TNKS: variants seen among roughly 807,000 people sequenced by gnomAD.
TNKS encodes the protein poly [ADP-ribose] polymerase tankyrase-1.
A neutral mutation model predicts 135.8 loss-of-function variants in TNKS; 72 were observed. That is an observed-to-expected ratio of 0.53 (90% CI 0.44 to 0.64). The LOEUF (loss-of-function observed/expected upper bound fraction) is 0.64. Among genes scored for constraint, TNKS ranks in the 30% least tolerant of loss-of-function variants. TNKS has a pLI of 0.00. For missense variants in TNKS, 1,769 were observed against 1,674.0 expected, an observed-to-expected ratio of 1.06 and a Z score of -0.99; for synonymous variants, 849 against 649.3, an observed-to-expected ratio of 1.31 and a Z score of -4.68.
intron 5 of TNKS, among the ~76,000 whole-genome samples, chr8:9,701,858 C>G (rs1269211725): frequency 6.6e-6 from 1 of 152,116 alleles, no homozygotes; most frequent in South Asian, 2.1e-4. Context: ...ACAGGGGCCC[C>G]TTACAGTGTT....
At position 9,704,730 on chromosome 8, in the gene TNKS, G is replaced by A; in HGVS notation, c.1175G>A (p.Gly392Asp). ...ATAGTTCAGCTTCTTCTTCAGCATG[G>A]TGCTGATGTTCATGCAAAAGACAAA... ...VRIVQLLLQH[G>D]ADVHAKDKGG... The change falls in exon 6 of 27, where the codon GGT becomes GAT. Residue 392 changes from glycine (G) to aspartate (D), a missense_variant. Physicochemically the swap from Gly to Asp is moderately conservative, Grantham distance 94. This residue lies in a region of TNKS where 523 missense variants were observed against 541.0 expected (regional missense o/e 0.97). Transcript: ENST00000310430. 2 of 1,613,286 alleles carry A rather than the reference G, an allele frequency of 1.2e-6. No individual in the cohort carries two copies. The highest frequency in any genetic ancestry group is 1.7e-6 in the Non-Finnish European group (2 of 1,179,396).
intron 20 of TNKS, among the ~76,000 whole-genome samples, chr8:9,754,811 T>C (rs1035542177): frequency 6.6e-6 from 1 of 152,218 alleles, no homozygotes; most frequent in Non-Finnish European, 1.5e-5. Flanking sequence ...TAGGACTTTA[T>C]AGACTGCTGT....
At position 9,598,705 on chromosome 8, in the gene TNKS, A is replaced by ATGTGTGTG. The variant is rs376761155; in HGVS notation, c.899-16855_899-16848dup. Among the ~76,000 whole-genome samples the ATGTGTGTG allele has an allele frequency of 1.3e-3, 138 of 108,228 alleles. 4 individuals carry two copies. Among genetic ancestry groups the ATGTGTGTG allele is most frequent in the African/African-American group, 4.0e-3 (116 of 29,318 alleles). 71.0% of individuals were successfully genotyped at this position (108,228 alleles called of 152,430 possible). On this transcript the variant is annotated intron_variant, in intron 2 of 26. Transcript: ENST00000310430. Reference sequence around the variant, plus strand: ...CACAGAGCAAGACCTTGTCTAAAATATGTGTGTGTGTGTGTGTGTGTGTGT... The same window carrying ATGTGTGTG: ...CACAGAGCAAGACCTTGTCTAAAATATGTGTGTGTGTGTGTGTGTGTGTGTGTGTGTGT...
rs1426470220 is a variant in TNKS at position 9,777,523 on chromosome 8, C to G, written c.*787C>G. On this transcript the variant is annotated 3_prime_UTR_variant, in exon 27 of 27. Coordinates refer to ENST00000310430, the MANE Select transcript of TNKS (RefSeq NM_003747.3). Reference sequence around the variant, plus strand: ...AGCCGGTGAAGGCCACTTGCTCTTTCCAACACAAGCCTGCCACAGAGGTCT... The same window carrying G: ...AGCCGGTGAAGGCCACTTGCTCTTTGCAACACAAGCCTGCCACAGAGGTCT... The G allele has an allele frequency of 6.6e-6, 1 of 152,224 alleles. No individual in the cohort carries two copies. The highest frequency in any genetic ancestry group is 1.9e-4 in the East Asian group (1 of 5,194). 9.4% of individuals were successfully genotyped at this position (152,224 alleles called of 1,614,324 possible). A position where few individuals can be genotyped will look rare whatever the true frequency, so the allele number is the denominator to read the frequency against.
intron 20 of TNKS, among the ~76,000 whole-genome samples, chr8:9,754,970 C>T (rs944167335): frequency 5.9e-5 from 9 of 152,128 alleles, no homozygotes; most frequent in South Asian, 2.1e-4. Flanking sequence ...TCTGCTGTTC[C>T]CATATTACAG....
chr8:9,573,338 G>A (rs1310433257), intron 1 of TNKS, among the ~76,000 whole-genome samples: 1 of 152,186 alleles, frequency 6.6e-6, no homozygotes, highest in Non-Finnish European at 1.5e-5. Context: ...AGGAAGTGAT[G>A]TACAGAAGAC....
At position 9,643,447 on chromosome 8, in the gene TNKS, G is replaced by A. The variant is rs1011261297; in HGVS notation, c.994+27770G>A. On this transcript the variant is annotated intron_variant, in intron 3 of 26. Coordinates refer to ENST00000310430, the MANE Select transcript of TNKS (RefSeq NM_003747.3). ...TAACTAAATGGCTTCTGCGATAATA[G>A]CATTAATCCATTCATGAGGGTGGAG... Among the ~76,000 whole-genome samples, 2 of 151,014 alleles carry A rather than the reference G, an allele frequency of 1.3e-5. 1 individual carries two copies. Among genetic ancestry groups the A allele is most frequent in the Admixed American group, 1.3e-4 (2 of 14,990 alleles).
rs118149277 is a variant in TNKS, at chr8:9,688,936, C to T, written c.1107+8136C>T. Among the ~76,000 whole-genome samples the T allele has an allele frequency of 7.7e-3, 1,167 of 150,886 alleles. 8 individuals are homozygous for T. Among genetic ancestry groups the T allele is most frequent in the Non-Finnish European group, 0.012 (797 of 67,734 alleles). On this transcript the variant is annotated intron_variant, in intron 5 of 26. Coordinates refer to ENST00000310430, the MANE Select transcript of TNKS (RefSeq NM_003747.3). ...GATTACAGGCGTGAGCCACTGTTCCCGGCCCAGCAAGTTTTTTCATGTCTG... is the reference window on the plus strand; with the variant it reads ...GATTACAGGCGTGAGCCACTGTTCCTGGCCCAGCAAGTTTTTTCATGTCTG...
At chr8:9,663,959 C>G (rs911157643) in intron 3 of TNKS, among the ~76,000 whole-genome samples, 6 of 152,124 alleles carry the variant, frequency 3.9e-5, no homozygotes, top group African/African-American at 1.4e-4. Context: ...CATTCCCTCC[C>G]TGGAGATCAG....
chr8:9,696,595 A>G (rs1160386667), intron 5 of TNKS, among the ~76,000 whole-genome samples: 1 of 152,214 alleles, frequency 6.6e-6, no homozygotes, highest in Non-Finnish European at 1.5e-5. Flanking sequence ...AAACGATTTT[A>G]GCAAGGTTTC....
chr8:9,562,874 G>C (rs988938535), intron 1 of TNKS, among the ~76,000 whole-genome samples: 6 of 150,790 alleles, frequency 4.0e-5, no homozygotes, highest in African/African-American at 1.2e-4. Flanking sequence ...TTAAAGACCA[G>C]ATATTCTATT....
intron 3 of TNKS, among the ~76,000 whole-genome samples, chr8:9,639,715 T>C (rs1360212314): frequency 6.6e-6 from 1 of 152,140 alleles, no homozygotes; most frequent in African/African-American, 2.4e-5. Flanking sequence ...CTGTGATGAG[T>C]TCTTGTTATC....
chr8:9,598,123 T>A (rs1313129734), intron 2 of TNKS, among the ~76,000 whole-genome samples: 1 of 152,142 alleles, frequency 6.6e-6, no homozygotes, highest in Admixed American at 6.5e-5. Context: ...ATATTTATGA[T>A]ATACTTTCTC....
chr8:9,598,467 A>T (rs375679751), intron 2 of TNKS, among the ~76,000 whole-genome samples: 137 of 151,934 alleles, frequency 9.0e-4, no homozygotes, highest in Non-Finnish European at 1.6e-3. Context: ...GTAAGTTTAA[A>T]CCTTGTAACT....
intron 3 of TNKS, among the ~76,000 whole-genome samples, chr8:9,660,766 G>A (rs1266478702): frequency 6.6e-6 from 1 of 152,122 alleles, no homozygotes; most frequent in East Asian, 1.9e-4. Flanking sequence ...GAAATAAAGG[G>A]CATTCAGTTA....
chr8:9,750,780 A>T (rs752767568), intron 18 of TNKS, among the ~76,000 whole-genome samples: 63 of 152,204 alleles, frequency 4.1e-4, no homozygotes, highest in Non-Finnish European at 8.4e-4. Context: ...CTGGGAGTTG[A>T]CTGGGCTCAG....
In TNKS at chr8:9,777,534, C is replaced by T. The variant is rs1301018702; in HGVS notation, c.*798C>T. 3 of 152,192 alleles carry T rather than the reference C, an allele frequency of 2.0e-5. No homozygotes were observed. The highest frequency in any genetic ancestry group is 4.4e-5 in the Non-Finnish European group (3 of 68,080). 9.4% of individuals were successfully genotyped at this position (152,192 alleles called of 1,614,324 possible). A position where few individuals can be genotyped will look rare whatever the true frequency, so the allele number is the denominator to read the frequency against. On this transcript the variant is annotated 3_prime_UTR_variant, in exon 27 of 27. Transcript: ENST00000310430. ...GCCACTTGCTCTTTCCAACACAAGC[C>T]TGCCACAGAGGTCTTCGGGACAGTA... is the stretch of plus-strand genomic sequence containing the variant.
intron 2 of TNKS, among the ~76,000 whole-genome samples, chr8:9,598,703 A>ATTGTGTG (rs1491150725): frequency 1.8e-5 from 2 of 112,806 alleles, no homozygotes; most frequent in African/African-American, 7.4e-5. Context: ...CTTGTCTAAA[A>ATTGTGTG]TATGTGTGTG....
chr8:9,587,388 G>A (rs983948835), intron 2 of TNKS, among the ~76,000 whole-genome samples: 11 of 150,940 alleles, frequency 7.3e-5, no homozygotes, highest in Non-Finnish European at 1.5e-4. Context: ...CAGCCTTGCC[G>A]ACACCTTGAT....
Sources: allele counts gnomAD v4.1 joint callset (sites outside exome capture counted in the v4.1 genomes callset), GRCh38; gene constraint gnomAD v4.1.1; regional missense constraint gnomAD v4.1.1; transcripts MANE v1.5; gene names NCBI Gene and HGNC (gene_info 2026-07-23, HGNC 2026-07-21).